Variants in RBMS3 observed in about 807,000 individuals in gnomAD.
RBMS3 encodes RNA binding motif single stranded interacting protein 3.
In RBMS3, 27 loss-of-function variants were observed where a neutral mutation model predicts 66.8. The observed-to-expected ratio is 0.40, with a 90% CI of 0.30 to 0.56. RBMS3 has a LOEUF of 0.56. Ranked by LOEUF, RBMS3 falls within the 20% of genes least tolerant of loss-of-function variation. RBMS3 has a pLI of 0.40. For synonymous variants in RBMS3, 188 were observed against 183.0 expected (o/e 1.03, Z -0.22); for missense variants, 513 against 549.5 (o/e 0.93, Z 0.66).
intron 1 of RBMS3, among the ~76,000 whole-genome samples, chr3:29,372,078 G>A (rs75698887): frequency 0.011 from 1,603 of 152,256 alleles, 26 homozygotes; most frequent in African/African-American, 0.037. Context: ...GGAAGACACC[G>A]TAGAAGTGCA....
At position 29,991,144 on chromosome 3, in the gene RBMS3, G is replaced by A; in HGVS notation, c.1242G>A (p.Gln414=). 6.2e-7 allele frequency: 1 copy of A among 1,614,132 alleles called. No individual in the cohort carries two copies. The highest frequency in any genetic ancestry group is 8.5e-7 in the Non-Finnish European group (1 of 1,180,030). The change falls in exon 14 of 15, where the codon CAG becomes CAA. Residue 414 remains glutamine, a synonymous_variant. Transcript: ENST00000383767. ...CTTCATCCCAGGACACCAGTGGTCA[G>A]CAGCAACAGATAGCAGTGGACACAT... The part of the protein sequence containing the change: ...VAPSSQDTSG[Q]QQQIAVDTSN...
intron 10 of RBMS3, among the ~76,000 whole-genome samples, chr3:29,909,035 T>C (rs1559790509): frequency 6.6e-6 from 1 of 152,040 alleles, no homozygotes; most frequent in Non-Finnish European, 1.5e-5. Context: ...AAAGAGAACA[T>C]TTTAAGTGAA....
chr3:29,613,982 A>C (rs2048575450), intron 4 of RBMS3, among the ~76,000 whole-genome samples: 2 of 152,210 alleles, frequency 1.3e-5, no homozygotes, highest in Non-Finnish European at 2.9e-5. Flanking sequence ...CTGAGTATAT[A>C]TCTAAAGGAA....
chr3:29,997,456 A>G (rs1465288676), intron 14 of RBMS3, among the ~76,000 whole-genome samples: 3 of 148,992 alleles, frequency 2.0e-5, no homozygotes, highest in Non-Finnish European at 4.4e-5. Flanking sequence ...CCGGGCAGAG[A>G]CACAACAAAA....
At chr3:29,884,421 GT>G (rs200974805) in intron 8 of RBMS3, among the ~76,000 whole-genome samples, 1 of 56,232 alleles carries the variant, frequency 1.8e-5, no homozygotes, top group Non-Finnish European at 3.2e-5. Context: ...ATTAAACCCT[GT>G]TCTCTCTCTC....
intron 7 of RBMS3, among the ~76,000 whole-genome samples, chr3:29,881,496 G>T (rs1174609195): frequency 6.6e-6 from 1 of 152,128 alleles, no homozygotes; most frequent in African/African-American, 2.4e-5. Context: ...TTTGCCCAAA[G>T]TCACACTGCT....
At chr3:29,409,453 C>T (rs1390225224) in intron 1 of RBMS3, among the ~76,000 whole-genome samples, 1 of 152,198 alleles carries the variant, frequency 6.6e-6, no homozygotes, top group Non-Finnish European at 1.5e-5. Flanking sequence ...GTCTTCATTG[C>T]AGTAAGTACA....
intron 7 of RBMS3, among the ~76,000 whole-genome samples, chr3:29,881,689 T>C (rs2059740512): frequency 6.6e-6 from 1 of 152,186 alleles, no homozygotes; most frequent in African/African-American, 2.4e-5. Context: ...AGACAGTTTA[T>C]TGATAATTAC....
chr3:29,658,821 G>A (rs1040504665), intron 4 of RBMS3, among the ~76,000 whole-genome samples: 1 of 152,106 alleles, frequency 6.6e-6, no homozygotes, highest in African/African-American at 2.4e-5. Context: ...TTTTTTGTTT[G>A]TTTGCTTGTG....
intron 7 of RBMS3, among the ~76,000 whole-genome samples, chr3:29,879,729 A>G (rs1207424814): frequency 6.6e-6 from 1 of 152,118 alleles, no homozygotes; most frequent in Non-Finnish European, 1.5e-5. Context: ...ATCAGTTTGT[A>G]TAAATTTTGC....
At chr3:29,623,783 T>C (rs1461031759) in intron 4 of RBMS3, among the ~76,000 whole-genome samples, 1 of 152,110 alleles carries the variant, frequency 6.6e-6, no homozygotes, top group Non-Finnish European at 1.5e-5. Flanking sequence ...TACTGGACAA[T>C]GGAATGCTCC....
intron 6 of RBMS3, among the ~76,000 whole-genome samples, chr3:29,802,489 T>C (rs1043633508): frequency 1.3e-5 from 2 of 152,240 alleles, no homozygotes; most frequent in Admixed American, 6.5e-5. Context: ...TTAAAAGTTC[T>C]AGACTAGCAC....
At chr3:29,432,020 G>A (rs1001761407) in intron 1 of RBMS3, among the ~76,000 whole-genome samples, 1 of 152,112 alleles carries the variant, frequency 6.6e-6, no homozygotes, top group Non-Finnish European at 1.5e-5. Context: ...GAACCATAGT[G>A]CCCAGTCTGG....
At chr3:29,398,422 C>G (rs1348842970) in intron 1 of RBMS3, among the ~76,000 whole-genome samples, 2 of 152,154 alleles carry the variant, frequency 1.3e-5, no homozygotes, top group Non-Finnish European at 2.9e-5. Context: ...TCAGGAAGGT[C>G]TCAAGGACAA....
At chr3:29,587,640 C>T (rs1559491247) in intron 4 of RBMS3, among the ~76,000 whole-genome samples, 1 of 151,654 alleles carries the variant, frequency 6.6e-6, no homozygotes, top group Non-Finnish European at 1.5e-5. Flanking sequence ...CTTTGATAAA[C>T]TGTGTGCTAA....
chr3:29,988,059 T>C, intron 12 of RBMS3, 84 bp from the exon 13 acceptor site: 2 of 1,134,388 alleles, frequency 1.8e-6, no homozygotes, highest in Non-Finnish European at 2.6e-6. Context: ...GCCCCATAGC[T>C]AAAGCAGTCT....
intron 4 of RBMS3, among the ~76,000 whole-genome samples, chr3:29,673,242 G>C (rs1427187134): frequency 6.6e-6 from 1 of 152,076 alleles, no homozygotes; most frequent in African/African-American, 2.4e-5. Context: ...GGATACATTT[G>C]AAGCAGTGTG....
chr3:29,859,196 A>G (rs189438064), intron 6 of RBMS3, among the ~76,000 whole-genome samples: 1 of 152,176 alleles, frequency 6.6e-6, no homozygotes, highest in South Asian at 2.1e-4. Flanking sequence ...TGATTTGTTT[A>G]TTATTTTAAA....
In RBMS3 at chr3:29,650,260, G is replaced by T. The variant is rs143009079; in HGVS notation, c.399+63055G>T. On this transcript the variant is annotated intron_variant, in intron 4 of 14. Coordinates refer to ENST00000383767, the MANE Select transcript of RBMS3 (RefSeq NM_001003793.3). ...TAGGCAATCTTTTAAACCCAAATAA[G>T]TCAATTACTCCTTTCTTTCTTTTTT... is the stretch of plus-strand genomic sequence containing the variant. Among the ~76,000 whole-genome samples the T allele has an allele frequency of 2.7e-3, 401 of 149,244 alleles. 3 individuals are homozygous for T. The highest frequency in any genetic ancestry group is 9.6e-3 in the African/African-American group (388 of 40,620).
Sources: gnomAD v4.1 joint callset for allele counts (sites outside exome capture counted in the v4.1 genomes callset) on GRCh38, gnomAD v4.1.1 for gene constraint, MANE v1.5 for transcripts, NCBI Gene and HGNC (gene_info 2026-07-23, HGNC 2026-07-21) for gene names.